The following LINGO2 variants were observed in gnomAD, a reference collection of about 807,000 sequenced individuals.
LINGO2 encodes the protein leucine rich repeat and Ig domain containing 2.
In LINGO2, 14 loss-of-function variants were observed where a neutral mutation model predicts 30.6. The ratio of observed to expected loss-of-function variants is 0.46; its 90% CI spans 0.30 to 0.72. The LOEUF is 0.72. LINGO2 is among the 30% of genes least tolerant of loss of function. LINGO2 has a pLI of 0.07. For synonymous variants in LINGO2, 317 were observed against 288.5 expected (o/e 1.10, Z -1.00); for missense variants, 729 against 751.7 (o/e 0.97, Z 0.35).
At chr9:28,894,345 T>C in the LINGO2 span, among the ~76,000 whole-genome samples, 1 of 152,132 alleles carries the variant, frequency 6.6e-6, no homozygotes, top group African/African-American at 2.4e-5. Context: ...TGGATAATAA[T>C]AGTGTCTTAC....
chr9:28,890,083 T>C, the LINGO2 span, among the ~76,000 whole-genome samples: 1 of 152,132 alleles, frequency 6.6e-6, no homozygotes, highest in African/African-American at 2.4e-5. Flanking sequence ...GATCCATTTA[T>C]TTTACTACCA....
At chr9:28,618,742 G>A (rs908394567) in intron 1 of LINGO2, among the ~76,000 whole-genome samples, 2 of 152,032 alleles carry the variant, frequency 1.3e-5, no homozygotes, top group Non-Finnish European at 2.9e-5. Context: ...GATCTCACCA[G>A]TCTAAAGGAG....
At chr9:27,983,305 C>G (rs189000348) in intron 5 of LINGO2, among the ~76,000 whole-genome samples, 197 of 151,920 alleles carry the variant, frequency 1.3e-3, no homozygotes, top group African/African-American at 4.5e-3. Context: ...CACTGGTGTT[C>G]CGTATCATAA....
In LINGO2 at chr9:28,003,342, T is replaced by G. The variant is rs553770594; in HGVS notation, c.-36+9013A>C. Among the ~76,000 whole-genome samples the G allele has an allele frequency of 6.1e-3, 868 of 141,700 alleles. 4 individuals are homozygous for G. Among genetic ancestry groups the G allele is most frequent in the Middle Eastern group, 0.021 (6 of 282 alleles). The allele number at this position is 141,700 out of a possible 152,430, so 93.0% of individuals were successfully genotyped here. ...TGTTAACCATATAGATATATAGATA[T>G]ATAGATAGATAGATAGATAGATAGA... is the stretch of plus-strand genomic sequence containing the variant. On this transcript the variant is annotated intron_variant, in intron 5 of 5. Coordinates refer to ENST00000379992, the Ensembl canonical transcript of LINGO2.
rs1227126898 is a variant in LINGO2, at chr9:28,065,505, T to G, written c.-86-53100A>C. ...TTACATTTGATAAATTGTAGTTGGA[T>G]GTTTAGTACCTTTTTATTACTTTAA... On this transcript the variant is annotated intron_variant, in intron 4 of 5. Coordinates refer to ENST00000379992, the Ensembl canonical transcript of LINGO2. Among the ~76,000 whole-genome samples, 3 of 152,168 alleles carry G rather than the reference T, an allele frequency of 2.0e-5. No homozygotes were observed. In the South Asian group the frequency reaches 6.2e-4, roughly 32 times the overall value.
At chr9:28,220,299 C>T (rs1820912731) in intron 4 of LINGO2, among the ~76,000 whole-genome samples, 1 of 152,134 alleles carries the variant, frequency 6.6e-6, no homozygotes, top group Non-Finnish European at 1.5e-5. Flanking sequence ...TTTTCAAACT[C>T]TTTCAACCAT....
At chr9:29,185,907 T>C in the LINGO2 span, among the ~76,000 whole-genome samples, 1 of 152,190 alleles carries the variant, frequency 6.6e-6, no homozygotes, top group East Asian at 1.9e-4. Flanking sequence ...AAAAGACCAC[T>C]AGATTATGTG....
the LINGO2 span, among the ~76,000 whole-genome samples, chr9:28,857,436 A>G: frequency 5.3e-5 from 8 of 152,092 alleles, no homozygotes; most frequent in Non-Finnish European, 1.0e-4. Context: ...TACTGGGGCA[A>G]CTGGGGTGTA....
chr9:29,148,181 G>A, the LINGO2 span, among the ~76,000 whole-genome samples: 1,163 of 151,896 alleles, frequency 7.7e-3, 20 homozygotes, highest in African/African-American at 0.026. Context: ...TTTAAATTTC[G>A]TATTACTTTA....
the LINGO2 span, among the ~76,000 whole-genome samples, chr9:28,709,680 T>C: frequency 9.2e-5 from 14 of 152,090 alleles, no homozygotes; most frequent in East Asian, 2.5e-3. Context: ...ATATAGTATA[T>C]GAGTGAATTC....
At chr9:28,017,161 C>T (rs1822881060) in intron 4 of LINGO2, among the ~76,000 whole-genome samples, 1 of 152,100 alleles carries the variant, frequency 6.6e-6, no homozygotes, top group Non-Finnish European at 1.5e-5. Context: ...TAAAAACTCT[C>T]AATAAACTAG....
chr9:28,054,234 G>A (rs1307504936), intron 4 of LINGO2, among the ~76,000 whole-genome samples: 2 of 152,078 alleles, frequency 1.3e-5, no homozygotes, highest in African/African-American at 4.8e-5. Flanking sequence ...AAAATCCAAA[G>A]ACCTGGGAGC....
chr9:28,172,021 AAAAAAAAAAAAAC>A (rs1273206907), intron 4 of LINGO2, among the ~76,000 whole-genome samples: 1 of 88,636 alleles, frequency 1.1e-5, no homozygotes, highest in Non-Finnish European at 2.2e-5. Flanking sequence ...CGTCTCAAAA[AAAAAAAAAAAAAC>A]AAAAAAAAAA....
At chr9:29,030,311 T>G in the LINGO2 span, among the ~76,000 whole-genome samples, 5 of 152,080 alleles carry the variant, frequency 3.3e-5, no homozygotes, top group East Asian at 5.8e-4. Context: ...AATTCCACAA[T>G]GCATACTTTT....
chr9:28,974,829 A>C, the LINGO2 span, among the ~76,000 whole-genome samples: 1 of 152,050 alleles, frequency 6.6e-6, no homozygotes, highest in African/African-American at 2.4e-5. Flanking sequence ...CCCTATTTTA[A>C]AGATGAGAAA....
intron 4 of LINGO2, among the ~76,000 whole-genome samples, chr9:28,020,232 G>C (rs1235434318): frequency 2.0e-5 from 3 of 152,094 alleles, no homozygotes; most frequent in African/African-American, 7.2e-5. Context: ...CCTTTTATCT[G>C]GTTTCAGTGT....
the LINGO2 span, among the ~76,000 whole-genome samples, chr9:28,977,209 A>C: frequency 6.6e-6 from 1 of 152,168 alleles, no homozygotes; most frequent in Non-Finnish European, 1.5e-5. Flanking sequence ...ACTATGGTTA[A>C]AATAATGAAA....
chr9:28,740,864 A>C, the LINGO2 span, among the ~76,000 whole-genome samples: 4 of 152,064 alleles, frequency 2.6e-5, no homozygotes, highest in Non-Finnish European at 5.9e-5. Flanking sequence ...CACCATGTGT[A>C]CAATAGATCT....
chr9:28,872,008 A>T, the LINGO2 span, among the ~76,000 whole-genome samples: 31,146 of 151,852 alleles, frequency 0.21, 3,337 homozygotes, highest in East Asian at 0.41. Flanking sequence ...ATAGTCAATG[A>T]TGTGTTGATT....
Sources: gnomAD v4.1 joint callset for allele counts (sites outside exome capture counted in the v4.1 genomes callset) on GRCh38, gnomAD v4.1.1 for gene constraint, MANE v1.5 for transcripts, NCBI Gene and HGNC (gene_info 2026-07-23, HGNC 2026-07-21) for gene names.